Variants in CGNL1 observed in about 807,000 individuals in gnomAD.
CGNL1 encodes the protein cingulin like 1.
In CGNL1, 132 loss-of-function variants were observed where a neutral mutation model predicts 141.2. The observed-to-expected ratio is 0.93, with a 90% CI of 0.81 to 1.08. The LOEUF is 1.08. Among genes scored for constraint, CGNL1 ranks in the 50% least tolerant of loss-of-function variants. CGNL1 has a pLI of 0.00. For synonymous variants in CGNL1, 690 were observed against 622.1 expected (o/e 1.11, Z -1.63); for missense variants, 1,870 against 1,588.6 (o/e 1.18, Z -3.01).
chr15:57,390,609 G>C (rs2062531934), intron 1 of CGNL1, among the ~76,000 whole-genome samples: 1 of 152,128 alleles, frequency 6.6e-6, no homozygotes, highest in South Asian at 2.1e-4. Context: ...AGCAGTTTGG[G>C]CCAAACTAGC....
Position 57,464,829 on chromosome 15 carries a change from A to G in CGNL1, c.2403+2937A>G, listed in dbSNP as rs191697726. 4.8e-3 allele frequency among the ~76,000 whole-genome samples: 721 copies of G among 150,002 alleles called. 2 individuals carry two copies. The highest frequency in any genetic ancestry group is 0.01 in the Middle Eastern group (3 of 294). On this transcript the variant is annotated intron_variant, in intron 8 of 18. Coordinates refer to ENST00000281282, the MANE Select transcript of CGNL1 (RefSeq NM_032866.5). Reference sequence around the variant, plus strand: ...CAATGGCACAGTCTTGGCTCACTGCAGCCTACACCTCCCAGGTTCAAGCAG... The same window carrying G: ...CAATGGCACAGTCTTGGCTCACTGCGGCCTACACCTCCCAGGTTCAAGCAG...
intron 1 of CGNL1, among the ~76,000 whole-genome samples, chr15:57,395,884 A>G (rs1337248935): frequency 5.9e-5 from 9 of 152,228 alleles, no homozygotes; most frequent in African/African-American, 1.7e-4. Context: ...TTAATTCATA[A>G]ATTATAATGT....
intron 8 of CGNL1, chr15:57,478,284 C>G (rs1399835464): frequency 1.3e-5 from 2 of 152,194 alleles, no homozygotes; most frequent in African/African-American, 4.8e-5. Flanking sequence ...GGAGAGGCGG[C>G]AGAACAACAT....
chr15:57,443,515 C>T (rs1250242939), intron 4 of CGNL1, among the ~76,000 whole-genome samples: 11 of 151,740 alleles, frequency 7.2e-5, no homozygotes, highest in South Asian at 4.1e-4. Context: ...ACTTGGGAAG[C>T]GTACATACAG....
At chr15:57,491,513 C>T (rs16977534) in intron 8 of CGNL1, among the ~76,000 whole-genome samples, 19,449 of 152,120 alleles carry the variant, frequency 0.13, 1,862 homozygotes, top group East Asian at 0.45. Context: ...GCACACAAGA[C>T]GCACTCACAT....
chr15:57,439,620 C>A lies in CGNL1; in HGVS notation c.1602+19C>A, dbSNP rs540169558. 1 of 1,601,752 alleles carries A rather than the reference C, an allele frequency of 6.2e-7. No homozygotes were observed. Among genetic ancestry groups the A allele is most frequent in the Admixed American group, 1.7e-5 (1 of 59,302 alleles). On this transcript the variant is annotated intron_variant, in intron 2 of 18. Transcript: ENST00000281282. Reference sequence around the variant, plus strand: ...TACTCAGGTAACACTAGTGCGATTCCTGTTTGGTTTTTTTTCTCTTCCTTC... The same window carrying A: ...TACTCAGGTAACACTAGTGCGATTCATGTTTGGTTTTTTTTCTCTTCCTTC...
rs557660574 is a variant in CGNL1 at position 57,439,041 on chromosome 15, G to C, written c.1042G>C (p.Gly348Arg). The stretch of plus-strand genomic sequence containing the variant: ...AGGAACTGGACGGGATATTGATACA[G>C]GATCAATTCCTGGTGTGGATCAGTT... ...LPGTGRDIDT[G>R]SIPGVDQLIE... The change falls in exon 2 of 19, where the codon GGA becomes CGA. Residue 348 changes from glycine to arginine, a missense_variant. Physicochemically the swap from Gly to Arg is moderately radical, Grantham distance 125. Transcript: ENST00000281282. 6.2e-6 allele frequency: 10 copies of C among 1,614,200 alleles called. No homozygotes were observed. The South Asian group carries it at 8.8e-5, about 14-fold the overall frequency.
At chr15:57,505,472 A>G (rs2064088910) in intron 8 of CGNL1, among the ~76,000 whole-genome samples, 2 of 152,146 alleles carry the variant, frequency 1.3e-5, no homozygotes, top group Non-Finnish European at 2.9e-5. Flanking sequence ...CTATTGACCC[A>G]GGTAGCCTGG....
At chr15:57,456,345 A>T (rs925058957) in intron 7 of CGNL1, among the ~76,000 whole-genome samples, 1 of 152,182 alleles carries the variant, frequency 6.6e-6, no homozygotes, top group Non-Finnish European at 1.5e-5. Flanking sequence ...CAGATTTTGC[A>T]TGAAATATCT....
chr15:57,440,301 C>A, intron 2 of CGNL1, 76 bp from the exon 3 acceptor site: 1 of 1,037,158 alleles, frequency 9.6e-7, no homozygotes, highest in Non-Finnish European at 1.5e-6. Context: ...AGGATGCTCA[C>A]TGGAGGAATT....
At chr15:57,384,270 C>G (rs1455379881) in intron 1 of CGNL1, among the ~76,000 whole-genome samples, 1 of 152,076 alleles carries the variant, frequency 6.6e-6, no homozygotes, top group Non-Finnish European at 1.5e-5. Context: ...CAGACACTTT[C>G]CAGGAGACCT....
intron 6 of CGNL1, 143 bp downstream of exon 6, chr15:57,452,432 T>G (rs1227782045): frequency 9.7e-6 from 7 of 722,602 alleles, no homozygotes; most frequent in Middle Eastern, 3.8e-4. Flanking sequence ...CTTATCTTTG[T>G]AAAATTATGA....
chr15:57,403,156 C>T lies in CGNL1; in HGVS notation c.-16+26589C>T, dbSNP rs546349292. Among the ~76,000 whole-genome samples the T allele has an allele frequency of 1.2e-4, 18 of 152,220 alleles. No individual in the cohort carries two copies. The East Asian group carries it at 3.3e-3, about 28-fold the overall frequency. On this transcript the variant is annotated intron_variant, in intron 1 of 18. Transcript: ENST00000281282. The stretch of plus-strand genomic sequence containing the variant: ...AGGAGCCTTGATTGCCAGCTATTGA[C>T]GAAGGGGTCTGTCTGCTCAGTGGCA...
At chr15:57,449,949 C>A (rs1190471785) in intron 4 of CGNL1, among the ~76,000 whole-genome samples, 1 of 152,092 alleles carries the variant, frequency 6.6e-6, no homozygotes, top group East Asian at 1.9e-4. Flanking sequence ...ACAATTTATA[C>A]ATTCACCTTT....
chr15:57,516,632 G>A, intron 8 of CGNL1, 148 bp from the exon 9 acceptor site: 2 of 735,298 alleles, frequency 2.7e-6, no homozygotes, highest in Non-Finnish European at 4.5e-6. Context: ...GGTTTGGCCT[G>A]CAGGCTGTCG....
At chr15:57,403,731 A>G (rs1364267447) in intron 1 of CGNL1, among the ~76,000 whole-genome samples, 1 of 152,244 alleles carries the variant, frequency 6.6e-6, no homozygotes, top group African/African-American at 2.4e-5. Flanking sequence ...CTCAATCTAA[A>G]TAGATGGAGG....
At chr15:57,526,011 C>T (rs1159157914) in intron 12 of CGNL1, among the ~76,000 whole-genome samples, 1 of 152,116 alleles carries the variant, frequency 6.6e-6, no homozygotes, top group African/African-American at 2.4e-5. Context: ...ACAATGACCC[C>T]TGAAAAGTAC....
chr15:57,485,669 A>C (rs1210400081), intron 8 of CGNL1, among the ~76,000 whole-genome samples: 1 of 152,262 alleles, frequency 6.6e-6, no homozygotes, highest in South Asian at 2.1e-4. Flanking sequence ...TAGTAAAAAC[A>C]AATGATAGAA....
intron 8 of CGNL1, among the ~76,000 whole-genome samples, chr15:57,464,154 G>C (rs1595731291): frequency 6.6e-6 from 1 of 151,768 alleles, no homozygotes; most frequent in East Asian, 1.9e-4. Context: ...AAAGCACTGA[G>C]TCTGTTATTG....
Sources: gnomAD v4.1 joint callset for allele counts (sites outside exome capture counted in the v4.1 genomes callset) on GRCh38, gnomAD v4.1.1 for gene constraint, MANE v1.5 for transcripts, NCBI Gene and HGNC (gene_info 2026-07-23, HGNC 2026-07-21) for gene names.